MFSD6: variants seen among roughly 807,000 people sequenced by gnomAD.
MFSD6 encodes major facilitator superfamily domain containing 6, also known as major facilitator superfamily domain-containing protein 6.
A neutral mutation model predicts 56.3 loss-of-function variants in MFSD6; 26 were observed. The observed-to-expected ratio is 0.46, with a 90% CI of 0.34 to 0.64. MFSD6 has a LOEUF of 0.64. Among genes scored for constraint, MFSD6 ranks in the 30% least tolerant of loss-of-function variants. The probability of loss-of-function intolerance (pLI) is 0.01; values close to 1 mark genes in which losing one functional copy is unlikely to be tolerated. For synonymous variants in MFSD6, 331 were observed against 366.9 expected, an observed-to-expected ratio of 0.90 and a Z score of 1.12; for missense variants, 750 against 986.2, an observed-to-expected ratio of 0.76 and a Z score of 3.21.
At position 190,409,913 on chromosome 2, in the gene MFSD6, G is replaced by A. The variant is rs1161406935; in HGVS notation, c.-176+1410G>A. 2.6e-5 allele frequency among the ~76,000 whole-genome samples: 4 copies of A among 152,270 alleles called. No individual in the cohort carries two copies. In the East Asian group the frequency reaches 5.8e-4, roughly 22 times the overall value. On this transcript the variant is annotated intron_variant, in intron 1 of 7. Transcript: ENST00000392328. Reference sequence around the variant, plus strand: ...AAAATTTAGGATTGCTTAGGGGAAGGATGGGACATTGTTAATGAGCCCAGT... The same window carrying A: ...AAAATTTAGGATTGCTTAGGGGAAGAATGGGACATTGTTAATGAGCCCAGT...
Position 190,412,111 on chromosome 2 carries a change from A to G in MFSD6, c.-175-3181A>G. 2 of 984,510 alleles carry G rather than the reference A, an allele frequency of 2.0e-6. No individual in the cohort carries two copies. Among genetic ancestry groups the G allele is most frequent in the Non-Finnish European group, 2.4e-6 (2 of 829,098 alleles). 61.0% of individuals were successfully genotyped at this position (984,510 alleles called of 1,614,324 possible). On this transcript the variant is annotated intron_variant, in intron 1 of 7. Coordinates refer to ENST00000392328, the MANE Select transcript of MFSD6 (RefSeq NM_017694.4). The surrounding 1 kb of genome is among the most constrained non-coding windows in gnomAD (Gnocchi z 4.1). ...TCTGATGCATATGTACTTGTTAAAT[A>G]CAGTCCCATAGTTCTATCCAATTCT...
At position 190,490,442 on chromosome 2, in the gene MFSD6, A is replaced by G. The variant is rs546176579; in HGVS notation, c.1891+576A>G. 3.3e-5 allele frequency among the ~76,000 whole-genome samples: 5 copies of G among 152,098 alleles called. No homozygotes were observed. The highest frequency in any genetic ancestry group is 1.2e-4 in the African/African-American group (5 of 41,516). On this transcript the variant is annotated intron_variant, in intron 6 of 7. Transcript: ENST00000392328. This position sits in a 1 kb window ranked among gnomAD's most constrained non-coding sequence, Gnocchi z 4.5. ...GCCGGGCACGGTGGTGGGCGCCTGT[A>G]ATCCCAGCTACTCAGGAGGCTGAGG...
intron 1 of MFSD6, among the ~76,000 whole-genome samples, chr2:190,414,111 TG>T (rs1293040242): frequency 4.0e-5 from 6 of 151,750 alleles, no homozygotes; most frequent in Non-Finnish European, 8.8e-5. Context: ...TCCTGGGGCC[TG>T]TCTGGGGGGT....
rs1052401946 is a variant in MFSD6 at position 190,418,896 on chromosome 2, T to C, written c.-54+3483T>C. ...TGGGGAGCCCGTGGGCAGTGCTGAGTGCCTGGAGGGCTCAGGCTGGAAACT... is the reference window on the plus strand; with the variant it reads ...TGGGGAGCCCGTGGGCAGTGCTGAGCGCCTGGAGGGCTCAGGCTGGAAACT... On this transcript the variant is annotated intron_variant, in intron 2 of 7. Coordinates refer to ENST00000392328, the MANE Select transcript of MFSD6 (RefSeq NM_017694.4). This position sits in a 1 kb window ranked among gnomAD's most constrained non-coding sequence, Gnocchi z 4.1. Among the ~76,000 whole-genome samples the C allele has an allele frequency of 6.6e-6, 1 of 152,182 alleles. No homozygotes were observed. The highest frequency in any genetic ancestry group is 2.4e-5 in the African/African-American group (1 of 41,448).
chr2:190,441,195 G>C (rs142128975), intron 3 of MFSD6, among the ~76,000 whole-genome samples: 1 of 152,030 alleles, frequency 6.6e-6, no homozygotes, highest in African/African-American at 2.4e-5. Context: ...TCCTTGCCCC[G>C]TATGAAAGGG....
rs543221272 is a variant in MFSD6, at chr2:190,458,848, T to A, written c.1533-10910T>A. On this transcript the variant is annotated intron_variant, in intron 3 of 7. Transcript: ENST00000392328. The surrounding 1 kb of genome is among the most constrained non-coding windows in gnomAD (Gnocchi z 5.3). The stretch of plus-strand genomic sequence containing the variant: ...TCAGAACCTGCATCTCTCCCTCTAT[T>A]AGCTCTGTCTCCTTTTGGGCAGGCT... Among the ~76,000 whole-genome samples, 1 of 152,272 alleles carries A rather than the reference T, an allele frequency of 6.6e-6. No individual in the cohort carries two copies. The highest frequency in any genetic ancestry group is 6.5e-5 in the Admixed American group (1 of 15,294).
Position 190,436,470 on chromosome 2 carries a change from G to A in MFSD6, c.441G>A (p.Leu147=). Residue 147 remains leucine (L), a synonymous_variant, in exon 3 of 8, where the codon CTG becomes CTA. Transcript: ENST00000392328. This position sits in a 1 kb window ranked among gnomAD's most constrained non-coding sequence, Gnocchi z 5.3. ...FSLLCWVLFN[L]GIGFVKPATL... is the part of the protein sequence containing the mutation. ...TTTTGTGTTGGGTTTTATTCAACCT[G>A]GGCATTGGATTTGTCAAACCTGCTA... 1 of 1,614,106 alleles carries A rather than the reference G, an allele frequency of 6.2e-7. No homozygotes were observed. Among genetic ancestry groups the A allele is most frequent in the Non-Finnish European group, 8.5e-7 (1 of 1,180,026 alleles).
chr2:190,440,665 C>T (rs771427946), intron 3 of MFSD6, among the ~76,000 whole-genome samples: 7 of 152,196 alleles, frequency 4.6e-5, no homozygotes, highest in Non-Finnish European at 1.0e-4. Context: ...AATTTATTTA[C>T]ATTTTAAGGG....
Position 190,465,019 on chromosome 2 carries a change from G to A in MFSD6, c.1533-4739G>A, listed in dbSNP as rs571211391. 9.8e-6 allele frequency: 6 copies of A among 610,034 alleles called. No homozygotes were observed. The highest frequency in any genetic ancestry group is 1.2e-5 in the Non-Finnish European group (6 of 486,094). The allele number at this position is 610,034 out of a possible 1,614,324, so 37.8% of individuals were successfully genotyped here. A position where few individuals can be genotyped will look rare whatever the true frequency, so the allele number is the denominator to read the frequency against. ...ATTACAGAATGACTCATAATTCATT[G>A]TATCTATATCTTGAACACTCTTGAA... is the stretch of plus-strand genomic sequence containing the variant. On this transcript the variant is annotated intron_variant, in intron 3 of 7. Transcript: ENST00000392328. The surrounding 1 kb of genome is among the most constrained non-coding windows in gnomAD (Gnocchi z 4.6).
At chr2:190,441,194 C>T (rs990945829) in intron 3 of MFSD6, among the ~76,000 whole-genome samples, 1 of 152,032 alleles carries the variant, frequency 6.6e-6, no homozygotes, top group Non-Finnish European at 1.5e-5. Context: ...CTCCTTGCCC[C>T]GTATGAAAGG....
chr2:190,481,836 C>T lies in MFSD6; in HGVS notation c.1631-6821C>T, dbSNP rs535723463. 8.0e-4 allele frequency among the ~76,000 whole-genome samples: 121 copies of T among 152,082 alleles called. 3 individuals carry two copies. In the South Asian group the frequency reaches 0.024, roughly 30 times the overall value. ...TGCAGCACACAGAAGATCCATGCTG[C>T]TGCTGCTGCTAAGTCCATTGCTCTT... is the stretch of plus-strand genomic sequence containing the variant. On this transcript the variant is annotated intron_variant, in intron 4 of 7. Coordinates refer to ENST00000392328, the MANE Select transcript of MFSD6 (RefSeq NM_017694.4).
rs751289995 is a variant in MFSD6, at chr2:190,465,701, A to G, written c.1533-4057A>G. Among the ~76,000 whole-genome samples, 4 of 152,190 alleles carry G rather than the reference A, an allele frequency of 2.6e-5. No homozygotes were observed. Among genetic ancestry groups the G allele is most frequent in the Admixed American group, 6.5e-5 (1 of 15,270 alleles). ...CCACGGTCTGGGTGGCTTAAAAAAC[A>G]GAAGTTTATGGCCGGGCGTGGTGGC... On this transcript the variant is annotated intron_variant, in intron 3 of 7. Transcript: ENST00000392328. The surrounding 1 kb of genome is among the most constrained non-coding windows in gnomAD (Gnocchi z 4.6).
Position 190,469,755 on chromosome 2 carries a change from T to TTTTTTC in MFSD6, c.1533-3_1533-2insTTTTTC. The TTTTTTC allele has an allele frequency of 6.9e-7, 1 of 1,457,782 alleles. No individual in the cohort carries two copies. The highest frequency in any genetic ancestry group is 9.1e-7 in the Non-Finnish European group (1 of 1,101,800). 90.3% of individuals were successfully genotyped at this position (1,457,782 alleles called of 1,614,324 possible). ...TTTATTTTTATTTTTTATTTTTTTT[T>TTTTTTC]AGGGTTCTGTACATTGGCCTGGCCT... On this transcript the variant is annotated splice_polypyrimidine_tract_variant and splice_region_variant and intron_variant, in intron 3 of 7. Coordinates refer to ENST00000392328, the MANE Select transcript of MFSD6 (RefSeq NM_017694.4). This position sits in a 1 kb window ranked among gnomAD's most constrained non-coding sequence, Gnocchi z 5.3.
chr2:190,433,349 G>A lies in MFSD6; in HGVS notation c.-53-2628G>A, dbSNP rs936479916. The A allele has an allele frequency of 3.9e-5, 6 of 152,164 alleles. No homozygotes were observed. The highest frequency in any genetic ancestry group is 2.1e-4 in the South Asian group (1 of 4,828). 9.4% of individuals were successfully genotyped at this position (152,164 alleles called of 1,614,324 possible). A position where few individuals can be genotyped will look rare whatever the true frequency, so the allele number is the denominator to read the frequency against. On this transcript the variant is annotated intron_variant, in intron 2 of 7. Coordinates refer to ENST00000392328, the MANE Select transcript of MFSD6 (RefSeq NM_017694.4). This position sits in a 1 kb window ranked among gnomAD's most constrained non-coding sequence, Gnocchi z 4.5. ...CAGATGATGAAATGGAATTGGAGCC[G>A]CTGAGCTGGATAGGTGAAGGCACTA...
intron 3 of MFSD6, among the ~76,000 whole-genome samples, chr2:190,453,900 A>G (rs997437065): frequency 6.6e-6 from 1 of 152,200 alleles, no homozygotes; most frequent in Non-Finnish European, 1.5e-5. Flanking sequence ...ATTATCATAC[A>G]TGTCAGAGAG....
chr2:190,499,738 T>C lies in MFSD6; in HGVS notation c.2173-277T>C. 6.2e-6 allele frequency: 8 copies of C among 1,295,566 alleles called. No individual in the cohort carries two copies. Among genetic ancestry groups the C allele is most frequent in the East Asian group, 3.9e-5 (1 of 25,570 alleles). The allele number at this position is 1,295,566 out of a possible 1,614,324, so 80.3% of individuals were successfully genotyped here. ...TAAATATTTGCTGATGTAAACTGTT[T>C]ACCAAGTACTAACAGACATTTTGGT... is the stretch of plus-strand genomic sequence containing the variant. On this transcript the variant is annotated intron_variant, in intron 7 of 7. Coordinates refer to ENST00000392328, the MANE Select transcript of MFSD6 (RefSeq NM_017694.4). This position sits in a 1 kb window ranked among gnomAD's most constrained non-coding sequence, Gnocchi z 6.0.
At chr2:190,478,221 C>T (rs903586908) in intron 4 of MFSD6, among the ~76,000 whole-genome samples, 4 of 152,146 alleles carry the variant, frequency 2.6e-5, no homozygotes, top group African/African-American at 9.7e-5. Context: ...CAGTAGAAAC[C>T]TAGCTACTGG....
rs552640099 is a variant in MFSD6, at chr2:190,454,312, G to A, written c.1533-15446G>A. ...TGTGTTAGAGAGTGAAGGTATTAAAGATAGAGATAAGAAGCATTTTTCTAT... is the reference window on the plus strand; with the variant it reads ...TGTGTTAGAGAGTGAAGGTATTAAAAATAGAGATAAGAAGCATTTTTCTAT... On this transcript the variant is annotated intron_variant, in intron 3 of 7. Coordinates refer to ENST00000392328, the MANE Select transcript of MFSD6 (RefSeq NM_017694.4). The surrounding 1 kb of genome is among the most constrained non-coding windows in gnomAD (Gnocchi z 4.6). 6.6e-6 allele frequency: 1 copy of A among 152,230 alleles called. No homozygotes were observed. Among genetic ancestry groups the A allele is most frequent in the Admixed American group, 6.5e-5 (1 of 15,280 alleles). The allele number at this position is 152,230 out of a possible 1,614,324, so 9.4% of individuals were successfully genotyped here. A position where few individuals can be genotyped will look rare whatever the true frequency, so the allele number is the denominator to read the frequency against.
intron 4 of MFSD6, among the ~76,000 whole-genome samples, chr2:190,484,401 A>G (rs1187613420): frequency 6.6e-6 from 1 of 152,232 alleles, no homozygotes; most frequent in Non-Finnish European, 1.5e-5. Flanking sequence ...TCTAATAACT[A>G]AGAAAGTAGA....
Sources: allele counts gnomAD v4.1 joint callset (sites outside exome capture counted in the v4.1 genomes callset), GRCh38; gene constraint gnomAD v4.1.1; non-coding constraint Gnocchi (gnomAD v3.1); transcripts MANE v1.5; gene names NCBI Gene and HGNC (gene_info 2026-07-23, HGNC 2026-07-21).